The following UTRN variants were observed in gnomAD, a reference collection of about 807,000 sequenced individuals.
UTRN encodes utrophin, also known as dystrophin-related protein 1.
In UTRN, 283 loss-of-function variants were observed where a neutral mutation model predicts 463.9. The observed-to-expected ratio is 0.61, with a 90% CI of 0.55 to 0.67. The LOEUF is 0.67. Ranked by LOEUF, UTRN falls within the 30% of genes least tolerant of loss-of-function variation. The pLI is 0.00. For missense variants in UTRN, 3,922 were observed against 4,084.3 expected (o/e 0.96, Z 1.08); for synonymous variants, 1,442 against 1,431.5 (o/e 1.01, Z -0.17).
At chr6:144,630,316 A>G (rs1225452652) in intron 51 of UTRN, among the ~76,000 whole-genome samples, 1 of 152,220 alleles carries the variant, frequency 6.6e-6, no homozygotes, top group Non-Finnish European at 1.5e-5. Flanking sequence ...GGGCCTGTGT[A>G]TTAGCCTGTT....
Position 144,659,593 on chromosome 6 carries a change from G to A in UTRN, c.7480-18813G>A, listed in dbSNP as rs182143379. 1.3e-3 allele frequency among the ~76,000 whole-genome samples: 204 copies of A among 152,334 alleles called. 1 individual carries two copies. The highest frequency in any genetic ancestry group is 4.7e-3 in the African/African-American group (194 of 41,582). ...TACCATAGCAACCCAGGCTGCTGGT[G>A]TCTGGGAGAGTGAGAACCGGTGGCC... On this transcript the variant is annotated intron_variant, in intron 51 of 74. Coordinates refer to ENST00000367545, the MANE Select transcript of UTRN (RefSeq NM_007124.3).
At chr6:144,325,632 C>T (rs1775927970) in intron 2 of UTRN, among the ~76,000 whole-genome samples, 2 of 152,264 alleles carry the variant, frequency 1.3e-5, no homozygotes, top group African/African-American at 2.4e-5. Flanking sequence ...AGTTACAGCA[C>T]GTAAATTGAT....
At chr6:144,832,591 G>A (rs983821633) in intron 69 of UTRN, among the ~76,000 whole-genome samples, 1 of 152,124 alleles carries the variant, frequency 6.6e-6, no homozygotes, top group Non-Finnish European at 1.5e-5. Context: ...TGTTCTGAGG[G>A]CATAATGGTG....
rs117501274 is a variant in UTRN, at chr6:144,383,196, T to C, written c.80-19927T>C. 1.4e-3 allele frequency among the ~76,000 whole-genome samples: 220 copies of C among 152,278 alleles called. 6 individuals carry two copies. The East Asian group carries it at 0.035, about 24-fold the overall frequency. ...ATCCACTCGCCTTAGCCTCCCAAAG[T>C]GTTGGGATTACAGACATGAGTCATT... On this transcript the variant is annotated intron_variant, in intron 2 of 74. Transcript: ENST00000367545.
chr6:144,752,100 CTT>C, intron 56 of UTRN, 148 bp downstream of exon 56: 2 of 770,392 alleles, frequency 2.6e-6, no homozygotes, highest in Non-Finnish European at 3.7e-6. Flanking sequence ...AGGTATTTGT[CTT>C]TCAGTATCTT....
At chr6:144,690,880 G>T (rs1445728116) in intron 52 of UTRN, among the ~76,000 whole-genome samples, 1 of 152,116 alleles carries the variant, frequency 6.6e-6, no homozygotes, top group Non-Finnish European at 1.5e-5. Flanking sequence ...ACAATTTTTG[G>T]CCTGGCTCAT....
chr6:144,571,067 A>G (rs958141284), intron 50 of UTRN, among the ~76,000 whole-genome samples: 12 of 152,140 alleles, frequency 7.9e-5, no homozygotes, highest in Admixed American at 7.2e-4. Context: ...AAGGTGTTTG[A>G]CCTTACTAAA....
intron 39 of UTRN, among the ~76,000 whole-genome samples, chr6:144,521,571 A>T (rs1796093300): frequency 6.6e-6 from 1 of 152,170 alleles, no homozygotes; most frequent in African/African-American, 2.4e-5. Context: ...AATGAGGTCC[A>T]ATTTTAAAAT....
At chr6:144,360,082 CT>C (rs1778925712) in intron 2 of UTRN, among the ~76,000 whole-genome samples, 2 of 106,532 alleles carry the variant, frequency 1.9e-5, no homozygotes, top group East Asian at 5.2e-4. Flanking sequence ...CTTCCCTTCC[CT>C]TCCCTTCCCT....
At chr6:144,350,073 T>C (rs1384711809) in intron 2 of UTRN, among the ~76,000 whole-genome samples, 1 of 152,188 alleles carries the variant, frequency 6.6e-6, no homozygotes, top group Non-Finnish European at 1.5e-5. Flanking sequence ...AGGCCAAACT[T>C]TCTGTCTGAG....
intron 1 of UTRN, among the ~76,000 whole-genome samples, chr6:144,288,531 C>G (rs573909514): frequency 6.7e-6 from 1 of 150,030 alleles, no homozygotes; most frequent in African/African-American, 2.5e-5. Flanking sequence ...CTTTTATAGA[C>G]ATTCTTCTGA....
At chr6:144,477,809 T>C (rs894595817) in intron 25 of UTRN, among the ~76,000 whole-genome samples, 1 of 152,124 alleles carries the variant, frequency 6.6e-6, no homozygotes, top group Non-Finnish European at 1.5e-5. Context: ...TTTGAGGAAA[T>C]AGAAAATGGT....
At chr6:144,384,321 C>G (rs1473289017) in intron 2 of UTRN, among the ~76,000 whole-genome samples, 1 of 152,104 alleles carries the variant, frequency 6.6e-6, no homozygotes, top group East Asian at 1.9e-4. Context: ...TGCCTCCTGT[C>G]AGATCAGCAG....
chr6:144,286,469 C>T lies in UTRN; in HGVS notation c.-93+648C>T, dbSNP rs561660284. 5.0e-3 allele frequency among the ~76,000 whole-genome samples: 758 copies of T among 152,234 alleles called. 2 individuals carry two copies. Among genetic ancestry groups the T allele is most frequent in the Non-Finnish European group, 8.5e-3 (579 of 67,990 alleles). On this transcript the variant is annotated intron_variant, in intron 1 of 74. Coordinates refer to ENST00000367545, the MANE Select transcript of UTRN (RefSeq NM_007124.3). This position sits in a 1 kb window ranked among gnomAD's most constrained non-coding sequence, Gnocchi z 4.4. ...CTCCCTGGCAGCGGCCCTGGAGAGACTGAGGGGACAGGAGGAGGGGGGCGC... is the reference window on the plus strand; with the variant it reads ...CTCCCTGGCAGCGGCCCTGGAGAGATTGAGGGGACAGGAGGAGGGGGGCGC...
At chr6:144,516,458 AG>A in intron 38 of UTRN, 71 bp downstream of exon 38, 1 of 1,489,412 alleles carries the variant, frequency 6.7e-7, no homozygotes, top group East Asian at 2.3e-5. Flanking sequence ...TTTTACATCA[AG>A]ATGTTTGCCC....
intron 41 of UTRN, among the ~76,000 whole-genome samples, chr6:144,527,232 A>G (rs1017017901): frequency 6.6e-5 from 10 of 152,332 alleles, no homozygotes; most frequent in Admixed American, 6.5e-4. Context: ...TTTGAAAAAG[A>G]CTATCTTTCC....
intron 65 of UTRN, among the ~76,000 whole-genome samples, chr6:144,809,910 A>T (rs1410774949): frequency 2.6e-5 from 4 of 152,166 alleles, no homozygotes; most frequent in Non-Finnish European, 4.4e-5. Context: ...AGAGAAAAGC[A>T]TACGAATTGA....
chr6:144,437,431 A>G (rs1786674285), intron 10 of UTRN, 134 bp from the exon 11 acceptor site: 1 of 779,130 alleles, frequency 1.3e-6, no homozygotes, highest in Non-Finnish European at 1.9e-6. Context: ...GTCAATGTCT[A>G]TTTTATTTGC....
At chr6:144,724,673 T>C (rs1238050140) in intron 53 of UTRN, among the ~76,000 whole-genome samples, 1 of 152,162 alleles carries the variant, frequency 6.6e-6, no homozygotes, top group Non-Finnish European at 1.5e-5. Context: ...CATTGCATGG[T>C]AATGGAATCT....
Sources: gnomAD v4.1 joint callset for allele counts (sites outside exome capture counted in the v4.1 genomes callset) on GRCh38, gnomAD v4.1.1 for gene constraint, Gnocchi (gnomAD v3.1) non-coding constraint, MANE v1.5 for transcripts, NCBI Gene and HGNC (gene_info 2026-07-23, HGNC 2026-07-21) for gene names.